Variants in FAM117B observed in about 807,000 individuals in gnomAD.
The protein encoded by FAM117B is family with sequence similarity 117 member B.
A neutral mutation model predicts 52.8 loss-of-function variants in FAM117B; 22 were observed. The ratio of observed to expected loss-of-function variants is 0.42; its 90% CI spans 0.30 to 0.59. The LOEUF is 0.59. Among genes scored for constraint, FAM117B ranks in the 20% least tolerant of loss-of-function variants. The pLI, the probability that FAM117B is intolerant of heterozygous loss-of-function variation, is 0.22. For missense variants in FAM117B, 678 were observed against 802.6 expected, an observed-to-expected ratio of 0.84 and a Z score of 1.88; for synonymous variants, 309 against 324.1, an observed-to-expected ratio of 0.95 and a Z score of 0.50.
intron 1 of FAM117B, among the ~76,000 whole-genome samples, chr2:202,672,247 C>T (rs773198072): frequency 1.3e-5 from 2 of 152,238 alleles, no homozygotes; most frequent in Non-Finnish European, 2.9e-5. Context: ...GAGTCTTGCT[C>T]TGTCGCCCAG....
intron 4 of FAM117B, 152 bp from the exon 5 acceptor site, chr2:202,755,386 A>G (rs1445168802): frequency 1.3e-6 from 1 of 784,978 alleles, no homozygotes; most frequent in African/African-American, 1.7e-5. Flanking sequence ...TATTTCATAC[A>G]TGCTAAGGAG....
chr2:202,666,205 T>G (rs1010444441), intron 1 of FAM117B, among the ~76,000 whole-genome samples: 3 of 152,124 alleles, frequency 2.0e-5, no homozygotes, highest in African/African-American at 7.2e-5. Flanking sequence ...AAAAGCAGAT[T>G]GGGTCTTTAT....
At chr2:202,650,375 G>A (rs1044123706) in intron 1 of FAM117B, among the ~76,000 whole-genome samples, 13 of 152,186 alleles carry the variant, frequency 8.5e-5, no homozygotes, top group South Asian at 8.3e-4. Context: ...TATTCATACA[G>A]AGTAGGCCAT....
intron 7 of FAM117B, 26 bp downstream of exon 7, chr2:202,759,379 C>CAAA: frequency 6.3e-7 from 1 of 1,584,342 alleles, no homozygotes; most frequent in Admixed American, 1.9e-5. Flanking sequence ...ACCATCCCCA[C>CAAA]AAAAAAACTA....
intron 1 of FAM117B, among the ~76,000 whole-genome samples, chr2:202,638,025 C>T (rs1284902920): frequency 2.6e-5 from 4 of 152,088 alleles, no homozygotes; most frequent in Admixed American, 6.5e-5. Flanking sequence ...TACAGGCATG[C>T]GCTACCACGC....
chr2:202,706,183 G>A (rs529371081), intron 2 of FAM117B, among the ~76,000 whole-genome samples: 54 of 152,064 alleles, frequency 3.6e-4, no homozygotes, highest in Non-Finnish European at 7.2e-4. Context: ...GCCCCCACAT[G>A]TCTTTCTCTT....
At chr2:202,739,608 A>T (rs548161371) in intron 4 of FAM117B, among the ~76,000 whole-genome samples, 1 of 152,048 alleles carries the variant, frequency 6.6e-6, no homozygotes, top group African/African-American at 2.4e-5. Context: ...GGCGTGTGCC[A>T]CCATGCCCGG....
rs13398842 is a variant in FAM117B at position 202,727,577 on chromosome 2, T to C, written c.960+1214T>C. ...TACAGTATGACAACTATTTACATAG[T>C]ATTTACATTGTATTAGGTATTATAA... On this transcript the variant is annotated intron_variant, in intron 4 of 7. Transcript: ENST00000392238. Among the ~76,000 whole-genome samples the C allele has an allele frequency of 6.5e-3, 985 of 152,274 alleles. 8 individuals carry two copies. The highest frequency in any genetic ancestry group is 0.021 in the African/African-American group (869 of 41,572).
chr2:202,712,343 T>A (rs1690970940), intron 2 of FAM117B, among the ~76,000 whole-genome samples: 1 of 152,030 alleles, frequency 6.6e-6, no homozygotes. Context: ...GATTATTTGC[T>A]GTTGGCATAT....
chr2:202,639,206 G>A (rs1440056495), intron 1 of FAM117B, among the ~76,000 whole-genome samples: 1 of 152,188 alleles, frequency 6.6e-6, no homozygotes, highest in Non-Finnish European at 1.5e-5. Context: ...ACTTCTAGGT[G>A]TCTTATCAGA....
chr2:202,717,927 T>G (rs1691083947), intron 2 of FAM117B, among the ~76,000 whole-genome samples: 2 of 149,728 alleles, frequency 1.3e-5, no homozygotes, highest in South Asian at 4.2e-4. Context: ...TCCAGAGGTG[T>G]TGTAGGGAGC....
At chr2:202,707,959 G>A (rs1476814718) in intron 2 of FAM117B, among the ~76,000 whole-genome samples, 1 of 151,790 alleles carries the variant, frequency 6.6e-6, no homozygotes, top group African/African-American at 2.4e-5. Context: ...GGTAGAGATG[G>A]GGGTTTCACC....
At chr2:202,722,986 T>A (rs2105786316) in intron 2 of FAM117B, among the ~76,000 whole-genome samples, 1 of 152,320 alleles carries the variant, frequency 6.6e-6, no homozygotes, top group Admixed American at 6.5e-5. Flanking sequence ...AAAGAGCCTG[T>A]GGATCCTAAT....
intron 1 of FAM117B, among the ~76,000 whole-genome samples, chr2:202,669,989 T>A: frequency 6.6e-6 from 1 of 152,244 alleles, no homozygotes; most frequent in East Asian, 1.9e-4. Flanking sequence ...AATCTTTCAT[T>A]TGGGTCTGTT....
intron 1 of FAM117B, among the ~76,000 whole-genome samples, chr2:202,669,560 T>C (rs1329300278): frequency 2.0e-5 from 3 of 152,188 alleles, no homozygotes; most frequent in Non-Finnish European, 4.4e-5. Context: ...CTCTGTTAAC[T>C]GAATCAAATT....
At chr2:202,747,846 A>C (rs181532871) in intron 4 of FAM117B, among the ~76,000 whole-genome samples, 1 of 152,298 alleles carries the variant, frequency 6.6e-6, no homozygotes, top group Non-Finnish European at 1.5e-5. Flanking sequence ...TCATAGGAAG[A>C]ATTCATGTTG....
intron 1 of FAM117B, among the ~76,000 whole-genome samples, chr2:202,681,291 A>G (rs1690459721): frequency 6.6e-6 from 1 of 152,236 alleles, no homozygotes; most frequent in Non-Finnish European, 1.5e-5. Context: ...AAAATAAGCA[A>G]GATGATAGGT....
At chr2:202,729,524 G>A (rs1179917370) in intron 4 of FAM117B, among the ~76,000 whole-genome samples, 3 of 152,132 alleles carry the variant, frequency 2.0e-5, no homozygotes, top group African/African-American at 7.2e-5. Flanking sequence ...GTACTCATTA[G>A]GGGATGTGGT....
intron 1 of FAM117B, among the ~76,000 whole-genome samples, chr2:202,658,312 T>TA (rs1373335081): frequency 6.6e-6 from 1 of 152,072 alleles, no homozygotes; most frequent in Non-Finnish European, 1.5e-5. Flanking sequence ...ATATCTTTTT[T>TA]AAAAAAATTG....
Sources: gnomAD v4.1 joint callset for allele counts (sites outside exome capture counted in the v4.1 genomes callset) on GRCh38, gnomAD v4.1.1 for gene constraint, MANE v1.5 for transcripts, NCBI Gene and HGNC (gene_info 2026-07-23, HGNC 2026-07-21) for gene names.